The following RIMBP2 variants were observed in gnomAD, a reference collection of about 807,000 sequenced individuals.
RIMBP2 encodes RIMS-binding protein 2.
A neutral mutation model predicts 118.6 loss-of-function variants in RIMBP2; 48 were observed. The observed-to-expected ratio is 0.40, with a 90% CI of 0.32 to 0.51. RIMBP2 has a LOEUF of 0.51. Ranked by LOEUF, RIMBP2 falls within the 20% of genes least tolerant of loss-of-function variation. The pLI, the probability that RIMBP2 is intolerant of heterozygous loss-of-function variation, is 0.41. For missense variants in RIMBP2, 1,551 were observed against 1,768.3 expected, an observed-to-expected ratio of 0.88 and a Z score of 2.20; for synonymous variants, 762 against 742.9, an observed-to-expected ratio of 1.03 and a Z score of -0.42.
chr12:130,534,878 T>C (rs1186417116), intron 2 of RIMBP2, among the ~76,000 whole-genome samples: 3 of 152,148 alleles, frequency 2.0e-5, no homozygotes, highest in Admixed American at 6.5e-5. Context: ...TAGGAAACGG[T>C]CTATCACTCA....
At chr12:130,597,992 A>G (rs1246453883) in intron 2 of RIMBP2, among the ~76,000 whole-genome samples, 2 of 152,236 alleles carry the variant, frequency 1.3e-5, no homozygotes, top group East Asian at 3.8e-4. Flanking sequence ...GGAAAATCCA[A>G]CAGAATTAAC....
chr12:130,594,848 A>G (rs2059462660), intron 2 of RIMBP2, among the ~76,000 whole-genome samples: 1 of 152,258 alleles, frequency 6.6e-6, no homozygotes, highest in African/African-American at 2.4e-5. Context: ...ACCATAAATC[A>G]TCTTCCATCT....
chr12:130,450,391 A>T lies in RIMBP2; in HGVS notation c.505-115T>A. The T allele has an allele frequency of 1.4e-6, 1 of 740,420 alleles. No individual in the cohort carries two copies. Among genetic ancestry groups the T allele is most frequent in the Non-Finnish European group, 2.4e-6 (1 of 419,354 alleles). The allele number at this position is 740,420 out of a possible 1,614,324, so 45.9% of individuals were successfully genotyped here. A position where few individuals can be genotyped will look rare whatever the true frequency, so the allele number is the denominator to read the frequency against. On this transcript the variant is annotated intron_variant, in intron 8 of 22. Transcript: ENST00000690449. This position sits in a 1 kb window ranked among gnomAD's most constrained non-coding sequence, Gnocchi z 4.8. ...CCTGGGCCCCAGGAGGGACGGCCTG[A>T]GACTGTGGCACTCCCAGGAGGCACT...
chr12:130,658,663 C>T (rs1230403624), intron 1 of RIMBP2: 1 of 152,222 alleles, frequency 6.6e-6, no homozygotes, highest in Non-Finnish European at 1.5e-5. Context: ...TGCCCTGAGT[C>T]CACAGAGGAG....
In RIMBP2 at chr12:130,406,093, C is replaced by T. The variant is rs533968172; in HGVS notation, c.3765+79G>A. 79 of 908,590 alleles carry T rather than the reference C, an allele frequency of 8.7e-5. No homozygotes were observed. In the East Asian group the frequency reaches 1.2e-3, roughly 14 times the overall value. 56.3% of individuals were successfully genotyped at this position (908,590 alleles called of 1,614,324 possible). ...TCATGCCCAATTTTAAGAGAAGGAA[C>T]GGACTAGCAAAACAAAACACACAAA... On this transcript the variant is annotated intron_variant, in intron 21 of 22. Transcript: ENST00000690449.
chr12:130,618,493 C>T (rs2061097501), intron 2 of RIMBP2, among the ~76,000 whole-genome samples: 1 of 152,170 alleles, frequency 6.6e-6, no homozygotes, highest in South Asian at 2.1e-4. Flanking sequence ...AGGTTTCTCG[C>T]CCTCCCTGAA....
At chr12:130,499,287 C>A (rs2049506393) in intron 4 of RIMBP2, among the ~76,000 whole-genome samples, 1 of 152,158 alleles carries the variant, frequency 6.6e-6, no homozygotes, top group Admixed American at 6.5e-5. Flanking sequence ...GGACATAGAG[C>A]CAAACCATAT....
chr12:130,506,013 CT>C (rs1339764845), intron 4 of RIMBP2, among the ~76,000 whole-genome samples: 2 of 150,282 alleles, frequency 1.3e-5, no homozygotes, highest in Non-Finnish European at 3.0e-5. Context: ...AATATATGTA[CT>C]GGATCATAGA....
intron 1 of RIMBP2, among the ~76,000 whole-genome samples, chr12:130,662,210 CTCTGGGGAGAGGTCAG>C (rs2063693998): frequency 1.3e-5 from 2 of 152,182 alleles, no homozygotes; most frequent in Admixed American, 1.3e-4. Flanking sequence ...ACCCGTCACG[CTCTGGGGAGAGGTCAG>C]TCTGGGGCAA....
intron 2 of RIMBP2, among the ~76,000 whole-genome samples, chr12:130,527,027 G>T (rs1055104163): frequency 3.6e-4 from 55 of 152,172 alleles, no homozygotes; most frequent in Admixed American, 2.2e-3. Context: ...GGTCCTGATG[G>T]TCACTGAGCC....
At position 130,707,141 on chromosome 12, in the gene RIMBP2, C is replaced by T. The variant is rs114229344; in HGVS notation, c.-352+9081G>A. Among the ~76,000 whole-genome samples, 1,045 of 152,272 alleles carry T rather than the reference C, an allele frequency of 6.9e-3. 17 individuals carry two copies. The highest frequency in any genetic ancestry group is 0.024 in the African/African-American group (998 of 41,554). On this transcript the variant is annotated intron_variant, in intron 1 of 22. Transcript: ENST00000690449. ...ATACACAGGACAGTGGCCCAGGGGACACCCAGGCCTGAGAGCAGGAAGAGC... is the reference window on the plus strand; with the variant it reads ...ATACACAGGACAGTGGCCCAGGGGATACCCAGGCCTGAGAGCAGGAAGAGC...
chr12:130,495,440 C>CA (rs2049056380), intron 4 of RIMBP2, among the ~76,000 whole-genome samples: 1 of 152,094 alleles, frequency 6.6e-6, no homozygotes, highest in African/African-American at 2.4e-5. Flanking sequence ...GTGTCACCCC[C>CA]TAACAGACAT....
rs1026607405 is a variant in RIMBP2, at chr12:130,469,296, G to A, written c.153+1397C>T. On this transcript the variant is annotated intron_variant, in intron 6 of 22. Transcript: ENST00000690449. This position sits in a 1 kb window ranked among gnomAD's most constrained non-coding sequence, Gnocchi z 4.8. ...CTGCGTTGCGACCGTCACCACATTT[G>A]AAAGCATGCACCACCAGCAGCACGG... The A allele has an allele frequency of 2.0e-5, 3 of 152,414 alleles. No individual in the cohort carries two copies. The highest frequency in any genetic ancestry group is 4.4e-5 in the Non-Finnish European group (3 of 68,048). 9.4% of individuals were successfully genotyped at this position (152,414 alleles called of 1,614,324 possible). A position where few individuals can be genotyped will look rare whatever the true frequency, so the allele number is the denominator to read the frequency against.
chr12:130,679,648 TTC>T (rs2064676342), intron 1 of RIMBP2, among the ~76,000 whole-genome samples: 1 of 152,168 alleles, frequency 6.6e-6, no homozygotes, highest in Non-Finnish European at 1.5e-5. Flanking sequence ...GTGTACCCTT[TTC>T]TCTATGGATA....
intron 5 of RIMBP2, among the ~76,000 whole-genome samples, chr12:130,471,111 C>A (rs2080963735): frequency 6.6e-6 from 1 of 152,224 alleles, no homozygotes; most frequent in Non-Finnish European, 1.5e-5. Flanking sequence ...CCAGTCAGCT[C>A]TAGGTTCCCT....
At chr12:130,649,821 G>A (rs370883381) in intron 1 of RIMBP2, among the ~76,000 whole-genome samples, 5 of 152,148 alleles carry the variant, frequency 3.3e-5, no homozygotes, top group South Asian at 4.2e-4. Flanking sequence ...AGCCCCCGAA[G>A]AGGACGTGCG....
chr12:130,530,658 G>T (rs969716202), intron 2 of RIMBP2, among the ~76,000 whole-genome samples: 5 of 152,144 alleles, frequency 3.3e-5, no homozygotes, highest in Admixed American at 1.3e-4. Context: ...TGCCTCCTAG[G>T]ATTCTGCCAC....
chr12:130,685,300 T>C (rs1451048293), intron 1 of RIMBP2, among the ~76,000 whole-genome samples: 1 of 152,194 alleles, frequency 6.6e-6, no homozygotes, highest in Non-Finnish European at 1.5e-5. Flanking sequence ...AACCCCTTTA[T>C]ATACGGATCT....
In RIMBP2 at chr12:130,434,691, C is replaced by G. The variant is rs370376312; in HGVS notation, c.2253+43G>C. On this transcript the variant is annotated intron_variant, in intron 14 of 22. Coordinates refer to ENST00000690449, the MANE Select transcript of RIMBP2 (RefSeq NM_001393629.1). The surrounding 1 kb of genome is among the most constrained non-coding windows in gnomAD (Gnocchi z 5.7). ...ATCTCCACGGGGCCCGCTCCGAGCC[C>G]GCGCCCACCAGGAGGATGGTGTGGG... The G allele has an allele frequency of 3.2e-6, 5 of 1,582,646 alleles. No individual in the cohort carries two copies. The highest frequency in any genetic ancestry group is 1.8e-5 in the Admixed American group (1 of 56,550).
Sources: gnomAD v4.1 joint callset for allele counts (sites outside exome capture counted in the v4.1 genomes callset) on GRCh38, gnomAD v4.1.1 for gene constraint, Gnocchi (gnomAD v3.1) non-coding constraint, MANE v1.5 for transcripts, NCBI Gene and HGNC (gene_info 2026-07-23, HGNC 2026-07-21) for gene names.